MTOR: variants seen among roughly 807,000 people sequenced by gnomAD.
MTOR encodes serine/threonine-protein kinase mTOR.
MTOR carries 70 observed loss-of-function variants against 319.8 expected under a neutral mutation model. The observed-to-expected ratio is 0.22, with a 90% CI of 0.18 to 0.27. MTOR has a LOEUF of 0.27. Among genes scored for constraint, MTOR ranks in the 10% least tolerant of loss-of-function variants. MTOR has a pLI of 1.00. For synonymous variants in MTOR, 1,183 were observed against 1,211.4 expected (o/e 0.98, Z 0.49); for missense variants, 1,890 against 3,274.4 (o/e 0.58, Z 10.32).
intron 28 of MTOR, among the ~76,000 whole-genome samples, chr1:11,169,015 G>C (rs1644730536): frequency 1.3e-5 from 2 of 152,352 alleles, no homozygotes; most frequent in South Asian, 4.1e-4. Context: ...CAAGGATCCA[G>C]TTTACTGCTT....
At position 11,258,479 on chromosome 1, in the gene MTOR, C is replaced by T. The variant is rs1650716133; in HGVS notation, c.271+6G>A. The T allele has an allele frequency of 2.5e-6, 4 of 1,605,334 alleles. No individual in the cohort carries two copies. Among genetic ancestry groups the T allele is most frequent in the Non-Finnish European group, 3.4e-6 (4 of 1,172,580 alleles). ...TTGTTTTTGTGACCAGAGACTCTGT[C>T]CTTACCTATGGCCAAGATGCCACCT... On this transcript the variant is annotated splice_donor_region_variant and intron_variant, in intron 3 of 57. Coordinates refer to ENST00000361445, the MANE Select transcript of MTOR (RefSeq NM_004958.4).
At chr1:11,250,124 G>A (rs1262054744) in intron 6 of MTOR, among the ~76,000 whole-genome samples, 2 of 146,912 alleles carry the variant, frequency 1.4e-5, no homozygotes, top group Non-Finnish European at 3.0e-5. Context: ...AGGGGCGGCC[G>A]GGCAGAGGCG....
chr1:11,250,137 C>A (rs1649440133), intron 6 of MTOR, among the ~76,000 whole-genome samples: 1 of 145,546 alleles, frequency 6.9e-6, no homozygotes, highest in South Asian at 2.3e-4. Context: ...CAGAGGCGCC[C>A]CTCACCTCCC....
intron 28 of MTOR, among the ~76,000 whole-genome samples, chr1:11,175,519 C>T (rs977497868): frequency 3.9e-5 from 6 of 152,112 alleles, no homozygotes; most frequent in African/African-American, 1.5e-4. Context: ...TGCCTTGCTG[C>T]CTTCCTATAG....
chr1:11,193,661 G>A, intron 28 of MTOR: 1 of 1,614,044 alleles, frequency 6.2e-7, no homozygotes, highest in Non-Finnish European at 8.5e-7. Flanking sequence ...CTTCTACCGG[G>A]ACTGGAAGCA....
In MTOR at chr1:11,133,022, CAGG is replaced by C; in HGVS notation, c.5364+55_5364+57del. The stretch of plus-strand genomic sequence containing the variant: ...AAGCTCAGCTGTAACCACGAGCACA[CAGG>C]AGGACACGAGCCAGCCAGGGTGCTG... On this transcript the variant is annotated intron_variant, in intron 38 of 57. Transcript: ENST00000361445. This position sits in a 1 kb window ranked among gnomAD's most constrained non-coding sequence, Gnocchi z 4.0. The C allele has an allele frequency of 2.8e-6, 4 of 1,446,480 alleles. No homozygotes were observed. The highest frequency in any genetic ancestry group is 3.9e-6 in the Non-Finnish European group (4 of 1,030,042). The allele number at this position is 1,446,480 out of a possible 1,614,324, so 89.6% of individuals were successfully genotyped here.
chr1:11,121,679 A>T lies in MTOR; in HGVS notation c.6810+300T>A, dbSNP rs1261911995. Among the ~76,000 whole-genome samples, 1 of 152,182 alleles carries T rather than the reference A, an allele frequency of 6.6e-6. No homozygotes were observed. The highest frequency in any genetic ancestry group is 2.4e-5 in the African/African-American group (1 of 41,432). ...CAATTCTCTTTCTTATTACTTACAC[A>T]TCTACTAAACATTATTTCTCCATAT... On this transcript the variant is annotated intron_variant, in intron 48 of 57. Coordinates refer to ENST00000361445, the MANE Select transcript of MTOR (RefSeq NM_004958.4). The surrounding 1 kb of genome is among the most constrained non-coding windows in gnomAD (Gnocchi z 4.9).
At chr1:11,114,514 G>C (rs1642060644) in intron 52 of MTOR, 61 bp from the exon 53 acceptor site, 1 of 1,604,708 alleles carries the variant, frequency 6.2e-7, no homozygotes, top group Non-Finnish European at 8.5e-7. Flanking sequence ...AAAGCAAGCC[G>C]AGGGGGTCTG....
At chr1:11,141,804 G>A (rs1300289631) in intron 34 of MTOR, among the ~76,000 whole-genome samples, 2 of 149,840 alleles carry the variant, frequency 1.3e-5, no homozygotes, top group Non-Finnish European at 3.0e-5. Context: ...GGCTAATACG[G>A]TGAAACCCCG....
chr1:11,183,555 C>A (rs1245859065), intron 28 of MTOR, among the ~76,000 whole-genome samples: 1 of 152,182 alleles, frequency 6.6e-6, no homozygotes, highest in Non-Finnish European at 1.5e-5. Flanking sequence ...TCTTGCCTTT[C>A]ATTCTCTTCA....
At chr1:11,205,575 G>A (rs764320797) in intron 25 of MTOR, among the ~76,000 whole-genome samples, 1 of 152,156 alleles carries the variant, frequency 6.6e-6, no homozygotes. Context: ...CACCTGCCTG[G>A]GATCCTGGCT....
At position 11,243,296 on chromosome 1, in the gene MTOR, G is replaced by T. The variant is rs1648338092; in HGVS notation, c.1230C>A (p.Thr410=). The T allele has an allele frequency of 2.5e-6, 4 of 1,613,720 alleles. No individual in the cohort carries two copies. In the East Asian group the frequency reaches 8.9e-5, roughly 36 times the overall value. ...AAFRPSAFTD[T]QYLQDTMNHV... ...GGTTCATGGTATCTTGGAGATACTG[G>T]GTATCTGAGCACAGAAAAGACAAAG... Residue 410 remains threonine (T), a synonymous_variant, in exon 9 of 58, where the codon ACC becomes ACA. Coordinates refer to ENST00000361445, the MANE Select transcript of MTOR (RefSeq NM_004958.4).
chr1:11,194,117 C>T (rs957941191), intron 28 of MTOR, among the ~76,000 whole-genome samples: 4 of 152,142 alleles, frequency 2.6e-5, no homozygotes, highest in Non-Finnish European at 5.9e-5. Flanking sequence ...TTTGGGGACC[C>T]TTGCTGAAGG....
chr1:11,122,715 G>T (rs1428835980), intron 47 of MTOR, among the ~76,000 whole-genome samples: 1 of 151,862 alleles, frequency 6.6e-6, no homozygotes, highest in Admixed American at 6.6e-5. Context: ...CACTATGTTG[G>T]CCAGACTGGT....
intron 15 of MTOR, 93 bp downstream of exon 15, chr1:11,233,305 T>A: frequency 8.4e-7 from 1 of 1,189,334 alleles, no homozygotes; most frequent in South Asian, 1.3e-5. Flanking sequence ...GTGAGACCTT[T>A]CATTTAAAAA....
At chr1:11,137,558 G>T (rs1643489007) in intron 36 of MTOR, among the ~76,000 whole-genome samples, 1 of 152,114 alleles carries the variant, frequency 6.6e-6, no homozygotes, top group Non-Finnish European at 1.5e-5. Flanking sequence ...ATGAAAAAAG[G>T]GAAAAGTGAT....
chr1:11,116,816 G>C (rs776484611), intron 50 of MTOR, among the ~76,000 whole-genome samples, 188 bp downstream of exon 50: 1 of 152,118 alleles, frequency 6.6e-6, no homozygotes, highest in Non-Finnish European at 1.5e-5. Context: ...TCTTTAGTTT[G>C]ATGTATTCTT....
In MTOR at chr1:11,106,928, G is replaced by A; in HGVS notation, c.*557C>T. ...GCATCACTGGGTCTGATGGAAGACA[G>A]ACCTTTTGTACTCATTTTGGCCTAT... is the stretch of plus-strand genomic sequence containing the variant. On this transcript the variant is annotated 3_prime_UTR_variant, in exon 58 of 58. Transcript: ENST00000361445. 7.3e-7 allele frequency: 1 copy of A among 1,370,006 alleles called. No homozygotes were observed. Among genetic ancestry groups the A allele is most frequent in the East Asian group, 3.4e-5 (1 of 29,426 alleles). The allele number at this position is 1,370,006 out of a possible 1,614,324, so 84.9% of individuals were successfully genotyped here. A position where few individuals can be genotyped will look rare whatever the true frequency, so the allele number is the denominator to read the frequency against.
intron 29 of MTOR, among the ~76,000 whole-genome samples, chr1:11,161,916 G>A (rs149156753): frequency 2.0e-5 from 3 of 152,154 alleles, no homozygotes; most frequent in Non-Finnish European, 4.4e-5. Flanking sequence ...TGCCAGCAAC[G>A]GAACAAAGCT....
Sources: allele counts gnomAD v4.1 joint callset (sites outside exome capture counted in the v4.1 genomes callset), GRCh38; gene constraint gnomAD v4.1.1; non-coding constraint Gnocchi (gnomAD v3.1); transcripts MANE v1.5; gene names NCBI Gene and HGNC (gene_info 2026-07-23, HGNC 2026-07-21).